TFDP2: variants seen among roughly 807,000 people sequenced by gnomAD.
The protein encoded by TFDP2 is transcription factor Dp-2, also known as transcription factor Dp-2 (E2F dimerization partner 2).
A neutral mutation model predicts 59.3 loss-of-function variants in TFDP2; 17 were observed. The observed-to-expected ratio is 0.29, with a 90% CI of 0.20 to 0.43. The LOEUF is 0.43. TFDP2 is among the 20% of genes least tolerant of loss of function. The pLI is 1.00. For missense variants in TFDP2, 391 were observed against 528.8 expected (o/e 0.74, Z 2.56); for synonymous variants, 180 against 194.7 (o/e 0.92, Z 0.63).
chr3:142,080,858 G>A (rs1451052340), intron 3 of TFDP2, among the ~76,000 whole-genome samples: 1 of 152,106 alleles, frequency 6.6e-6, no homozygotes, highest in Non-Finnish European at 1.5e-5. Context: ...CTGCTAAACA[G>A]ACAGATAAAC....
intron 9 of TFDP2, 94 bp downstream of exon 9, chr3:141,969,979 C>T: frequency 1.6e-6 from 2 of 1,246,818 alleles, no homozygotes; most frequent in Non-Finnish European, 1.2e-6. Context: ...CACCACACAC[C>T]ACTCAGAGGC....
At chr3:142,055,368 A>T (rs2059705298) in intron 3 of TFDP2, among the ~76,000 whole-genome samples, 1 of 152,188 alleles carries the variant, frequency 6.6e-6, no homozygotes, top group South Asian at 2.1e-4. Flanking sequence ...CACGGGACAT[A>T]TGGTAGCCCC....
intron 3 of TFDP2, among the ~76,000 whole-genome samples, chr3:142,012,856 T>G (rs1944829495): frequency 6.6e-6 from 1 of 152,132 alleles, no homozygotes; most frequent in South Asian, 2.1e-4. Flanking sequence ...AAAGCTACTG[T>G]TGCCAGGCGC....
intron 3 of TFDP2, among the ~76,000 whole-genome samples, chr3:142,042,630 C>CTTTTTTTTTTTTTTTTTTTTTTTTT (rs66981475): frequency 2.8e-5 from 3 of 108,214 alleles, no homozygotes; most frequent in Non-Finnish European, 5.6e-5. Flanking sequence ...CTTTTCTTTT[C>CTTTTTTTTTTTTTTTTTTTTTTTTT]TTTTTTTTTT....
At chr3:141,978,894 A>G (rs1363022205) in intron 6 of TFDP2, among the ~76,000 whole-genome samples, 1 of 152,236 alleles carries the variant, frequency 6.6e-6, no homozygotes, top group Non-Finnish European at 1.5e-5. Flanking sequence ...TTCTATGCAC[A>G]GCATTTATTT....
At chr3:142,116,604 G>A (rs1003708570) in intron 1 of TFDP2, among the ~76,000 whole-genome samples, 3 of 152,170 alleles carry the variant, frequency 2.0e-5, no homozygotes, top group Non-Finnish European at 2.9e-5. Flanking sequence ...AGTTTCTGTT[G>A]TTTTAAGCCA....
intron 3 of TFDP2, among the ~76,000 whole-genome samples, chr3:142,089,684 CCAA>C (rs1271048508): frequency 6.6e-6 from 1 of 151,596 alleles, no homozygotes; most frequent in Non-Finnish European, 1.5e-5. Flanking sequence ...AGACAAATAT[CCAA>C]CAATAAGGAA....
At chr3:142,019,095 A>T (rs1576730192) in intron 3 of TFDP2, among the ~76,000 whole-genome samples, 1 of 139,350 alleles carries the variant, frequency 7.2e-6, no homozygotes. Context: ...ACGGAGATTT[A>T]CTCTTGTTGC....
At position 141,998,459 on chromosome 3, in the gene TFDP2, C is replaced by CA. The variant is rs537748068; in HGVS notation, c.187-3319dup. 1.3e-3 allele frequency among the ~76,000 whole-genome samples: 203 copies of CA among 151,660 alleles called. 1 individual carries two copies. The highest frequency in any genetic ancestry group is 4.4e-3 in the African/African-American group (182 of 41,360). The stretch of plus-strand genomic sequence containing the variant: ...TGAAACCCCATATCTACCAAAAATA[C>CA]AAAAAAAATCAGCTGGGTGTTGTGG... On this transcript the variant is annotated intron_variant, in intron 4 of 12. Transcript: ENST00000489671.
chr3:142,110,539 TAATG>T (rs1035141383), intron 1 of TFDP2, among the ~76,000 whole-genome samples: 6 of 151,778 alleles, frequency 4.0e-5, no homozygotes, highest in African/African-American at 1.5e-4. Context: ...AATTATATAA[TAATG>T]AATAATGGCA....
At chr3:142,048,713 ATGC>A (rs1256269451) in intron 3 of TFDP2, among the ~76,000 whole-genome samples, 1 of 152,076 alleles carries the variant, frequency 6.6e-6, no homozygotes, top group Non-Finnish European at 1.5e-5. Context: ...TTACAGGAGT[ATGC>A]CACCATGCCT....
intron 3 of TFDP2, among the ~76,000 whole-genome samples, chr3:142,049,722 T>C (rs1437461976): frequency 1.3e-5 from 2 of 152,162 alleles, no homozygotes; most frequent in Non-Finnish European, 2.9e-5. Flanking sequence ...TCTATATAAA[T>C]GGACTAGGAG....
At chr3:142,098,298 T>G (rs1433098406) in intron 2 of TFDP2, among the ~76,000 whole-genome samples, 1 of 151,534 alleles carries the variant, frequency 6.6e-6, no homozygotes, top group East Asian at 1.9e-4. Context: ...AAAATTATAT[T>G]TCAAATTATT....
chr3:141,965,755 C>T lies in TFDP2; in HGVS notation c.733-1792G>A, dbSNP rs192403042. On this transcript the variant is annotated intron_variant, in intron 9 of 12. Transcript: ENST00000489671. ...CAATTTATTGTAGACCTAAGTGTGT[C>T]CAAAAATCACTATCAATAACTAGCA... 1.1e-4 allele frequency among the ~76,000 whole-genome samples: 16 copies of T among 152,010 alleles called. 2 individuals are homozygous for T. The highest frequency in any genetic ancestry group is 3.9e-4 in the African/African-American group (16 of 41,324).
chr3:142,033,804 C>T (rs1946546822), intron 3 of TFDP2, among the ~76,000 whole-genome samples: 1 of 152,136 alleles, frequency 6.6e-6, no homozygotes, highest in Non-Finnish European at 1.5e-5. Flanking sequence ...AATTAGTTGG[C>T]TCAGCTGGCA....
chr3:141,959,980 A>G, intron 10 of TFDP2, 140 bp from the exon 11 acceptor site: 1 of 711,948 alleles, frequency 1.4e-6, no homozygotes, highest in Non-Finnish European at 2.3e-6. Context: ...GAGAGCCATG[A>G]GTCATTCTGC....
intron 1 of TFDP2, among the ~76,000 whole-genome samples, chr3:142,116,093 C>G (rs996473982): frequency 4.7e-5 from 7 of 150,036 alleles, no homozygotes; most frequent in Middle Eastern, 3.4e-3. Context: ...GAGACAGGGT[C>G]TTGCTCTGTC....
At chr3:142,019,647 A>ACC (rs55808596) in intron 3 of TFDP2, among the ~76,000 whole-genome samples, 6,843 of 150,114 alleles carry the variant, frequency 0.046, 389 homozygotes, top group African/African-American at 0.13. Flanking sequence ...TATATTAAAC[A>ACC]CCCCCCCCAA....
intron 1 of TFDP2, among the ~76,000 whole-genome samples, chr3:142,115,608 G>A (rs1373657103): frequency 1.3e-5 from 2 of 152,164 alleles, no homozygotes; most frequent in Admixed American, 6.5e-5. Context: ...GTGAGCCACC[G>A]CGCCCGGCCC....
Sources: gnomAD v4.1 joint callset for allele counts (sites outside exome capture counted in the v4.1 genomes callset) on GRCh38, gnomAD v4.1.1 for gene constraint, MANE v1.5 for transcripts, NCBI Gene and HGNC (gene_info 2026-07-23, HGNC 2026-07-21) for gene names.